ANTXR2: variants seen among roughly 807,000 people sequenced by gnomAD.
The protein encoded by ANTXR2 is anthrax toxin receptor 2.
A neutral mutation model predicts 73.7 loss-of-function variants in ANTXR2; 44 were observed. The ratio of observed to expected loss-of-function variants is 0.60; its 90% CI spans 0.47 to 0.77. The LOEUF is 0.77. Ranked by LOEUF, ANTXR2 falls within the 30% of genes least tolerant of loss-of-function variation. ANTXR2 has a pLI of 0.00. For missense variants in ANTXR2, 604 were observed against 592.5 expected (o/e 1.02, Z -0.20); for synonymous variants, 217 against 205.9 (o/e 1.05, Z -0.46).
At chr4:79,907,488 A>G (rs1245306786) in intron 16 of ANTXR2, 21 bp from the exon 17 acceptor site, 21 of 1,606,002 alleles carry the variant, frequency 1.3e-5, no homozygotes, top group Non-Finnish European at 1.8e-5. Flanking sequence ...AAATAAATCC[A>G]TATTGAAATA....
chr4:79,912,335 CTGAGTA>C (rs1727177431), intron 16 of ANTXR2, among the ~76,000 whole-genome samples: 1 of 151,822 alleles, frequency 6.6e-6, no homozygotes, highest in Non-Finnish European at 1.5e-5. Flanking sequence ...TAAGATTACT[CTGAGTA>C]TGTTTACCAA....
chr4:80,006,790 T>A (rs1731322985), intron 12 of ANTXR2, among the ~76,000 whole-genome samples: 1 of 152,094 alleles, frequency 6.6e-6, no homozygotes, highest in African/African-American at 2.4e-5. Flanking sequence ...TTTTTAAAAA[T>A]CATACACTTT....
At chr4:80,013,656 A>T (rs1463603413) in intron 11 of ANTXR2, among the ~76,000 whole-genome samples, 1 of 152,190 alleles carries the variant, frequency 6.6e-6, no homozygotes, top group Non-Finnish European at 1.5e-5. Flanking sequence ...TATCATTTAA[A>T]TCCAAGGTCC....
chr4:80,028,695 C>A (rs1352502045), intron 10 of ANTXR2, among the ~76,000 whole-genome samples: 1 of 152,148 alleles, frequency 6.6e-6, no homozygotes, highest in Non-Finnish European at 1.5e-5. Flanking sequence ...GACTAACTAG[C>A]TACTTAATGG....
chr4:80,025,718 A>C, intron 10 of ANTXR2, among the ~76,000 whole-genome samples: 1 of 152,316 alleles, frequency 6.6e-6, no homozygotes, highest in Non-Finnish European at 1.5e-5. Flanking sequence ...TAAAGGTACC[A>C]CTTCTAGTAA....
chr4:80,071,462 C>T, intron 2 of ANTXR2, 121 bp downstream of exon 2: 1 of 798,454 alleles, frequency 1.3e-6, no homozygotes, highest in Non-Finnish European at 2.1e-6. Flanking sequence ...GCAATACGAC[C>T]TTGAGGCACT....
At chr4:79,979,834 T>C (rs1462145142) in intron 14 of ANTXR2, among the ~76,000 whole-genome samples, 2 of 130,330 alleles carry the variant, frequency 1.5e-5, no homozygotes, top group African/African-American at 5.0e-5. Flanking sequence ...CTTGCAGTTG[T>C]AAAGGCTCAA....
Position 80,008,551 on chromosome 4 carries a change from C to T in ANTXR2, c.1011G>A (p.Met337Ile). 1 of 1,609,162 alleles carries T rather than the reference C, an allele frequency of 6.2e-7. No individual in the cohort carries two copies. Among genetic ancestry groups the T allele is most frequent in the Non-Finnish European group, 8.5e-7 (1 of 1,178,050 alleles). ...VLLLLLGIGL[M>I]WWFWPLCCKV... ...TGCAGCAAAGGGGCCAAAACCACCA[C>T]ATCAAACCGATCCCCAGGAGTAGCA... The change falls in exon 12 of 17, where the codon ATG becomes ATA. Residue 337 changes from methionine to isoleucine, a missense_variant. Met to Ile is a conservative substitution (Grantham distance 10). Transcript: ENST00000403729.
intron 11 of ANTXR2, among the ~76,000 whole-genome samples, chr4:80,009,675 CATCTCT>C (rs1731475571): frequency 1.3e-5 from 2 of 151,942 alleles, no homozygotes; most frequent in East Asian, 1.9e-4. Flanking sequence ...AGTGAAACCC[CATCTCT>C]ACTAAAAATA....
chr4:79,989,474 C>A (rs1050886894), intron 12 of ANTXR2, among the ~76,000 whole-genome samples: 1 of 151,900 alleles, frequency 6.6e-6, no homozygotes, highest in African/African-American at 2.4e-5. Flanking sequence ...ATAACAAGTT[C>A]TGAAACTTGA....
intron 3 of ANTXR2, among the ~76,000 whole-genome samples, chr4:80,063,246 T>C (rs1055734674): frequency 6.6e-6 from 1 of 152,144 alleles, no homozygotes; most frequent in African/African-American, 2.4e-5. Context: ...AGTAATTTGT[T>C]AGAAGTCACA....
intron 16 of ANTXR2, among the ~76,000 whole-genome samples, chr4:79,965,620 A>G (rs1729332348): frequency 6.6e-6 from 1 of 152,232 alleles, no homozygotes; most frequent in South Asian, 2.1e-4. Context: ...CACAAAAACC[A>G]TTATGAGCAC....
chr4:79,929,000 T>C (rs892397080), intron 16 of ANTXR2, among the ~76,000 whole-genome samples: 6 of 152,150 alleles, frequency 3.9e-5, no homozygotes, highest in Non-Finnish European at 8.8e-5. Flanking sequence ...TATGTAATAA[T>C]TGGAGAAGAA....
rs577701876 is a variant in ANTXR2, at chr4:80,019,299, G to A, written c.867-323C>T. Among the ~76,000 whole-genome samples, 384 of 152,236 alleles carry A rather than the reference G, an allele frequency of 2.5e-3. 3 individuals carry two copies. Among genetic ancestry groups the A allele is most frequent in the African/African-American group, 8.8e-3 (364 of 41,538 alleles). ...GGAGAATTGCTGGAACCTGGGAGGCGGAGGTTGCAGTGAGCCAAGATCATG... is the reference window on the plus strand; with the variant it reads ...GGAGAATTGCTGGAACCTGGGAGGCAGAGGTTGCAGTGAGCCAAGATCATG... On this transcript the variant is annotated intron_variant, in intron 10 of 16. Coordinates refer to ENST00000403729, the MANE Select transcript of ANTXR2 (RefSeq NM_058172.6).
At chr4:79,961,361 G>T (rs2109994825) in intron 16 of ANTXR2, among the ~76,000 whole-genome samples, 1 of 152,016 alleles carries the variant, frequency 6.6e-6, no homozygotes, top group South Asian at 2.1e-4. Context: ...CTACATCACA[G>T]CCATACGTTG....
intron 16 of ANTXR2, among the ~76,000 whole-genome samples, chr4:79,923,543 G>T (rs377763355): frequency 6.6e-6 from 1 of 152,138 alleles, no homozygotes; most frequent in Non-Finnish European, 1.5e-5. Context: ...GGAGAAAGCA[G>T]ATGGTAGGAA....
rs1161005734 is a variant in ANTXR2, at chr4:80,010,703, C to CT, written c.946-2088dup. Among the ~76,000 whole-genome samples, 3 of 152,100 alleles carry CT rather than the reference C, an allele frequency of 2.0e-5. No individual in the cohort carries two copies. In the East Asian group the frequency reaches 5.8e-4, roughly 29 times the overall value. On this transcript the variant is annotated intron_variant, in intron 11 of 16. Coordinates refer to ENST00000403729, the MANE Select transcript of ANTXR2 (RefSeq NM_058172.6). ...ACTGACAGAACACAAAGTAGATGGG[C>CT]TAGCCCTGCTAGATACTCAAAATTT...
rs1726732779 is a variant in ANTXR2, at chr4:79,902,171, C to A, written c.*5258G>T. Reference sequence around the variant, plus strand: ...TTACAATGTTGTAAATATAATTCATCTAAGATACAAATAACTTCATGGCAA... The same window carrying A: ...TTACAATGTTGTAAATATAATTCATATAAGATACAAATAACTTCATGGCAA... On this transcript the variant is annotated 3_prime_UTR_variant, in exon 17 of 17. Coordinates refer to ENST00000403729, the MANE Select transcript of ANTXR2 (RefSeq NM_058172.6). 1.7e-4 allele frequency: 26 copies of A among 152,258 alleles called. No individual in the cohort carries two copies. Among genetic ancestry groups the A allele is most frequent in the Non-Finnish European group, 3.4e-4 (23 of 68,010 alleles). The allele number at this position is 152,258 out of a possible 1,614,324, so 9.4% of individuals were successfully genotyped here.
chr4:79,988,175 C>G (rs2110025971), intron 12 of ANTXR2, among the ~76,000 whole-genome samples: 1 of 145,542 alleles, frequency 6.9e-6, no homozygotes, highest in Admixed American at 6.9e-5. Flanking sequence ...AAGTTGGATA[C>G]AGAAGCAAAA....
Sources: allele counts gnomAD v4.1 joint callset (sites outside exome capture counted in the v4.1 genomes callset), GRCh38; gene constraint gnomAD v4.1.1; transcripts MANE v1.5; gene names NCBI Gene and HGNC (gene_info 2026-07-23, HGNC 2026-07-21).